Variants in PLEKHH2 observed in about 807,000 individuals in gnomAD.
The protein encoded by PLEKHH2 is pleckstrin homology, MyTH4 and FERM domain containing H2.
In PLEKHH2, 129 loss-of-function variants were observed where a neutral mutation model predicts 187.9. That is an observed-to-expected ratio of 0.69 (90% confidence interval 0.59 to 0.79). The LOEUF (loss-of-function observed/expected upper bound fraction) is 0.79, where lower values mean the gene tolerates loss of function less well. Ranked by LOEUF, PLEKHH2 falls within the 30% of genes least tolerant of loss-of-function variation. PLEKHH2 has a pLI of 0.00. For synonymous variants in PLEKHH2, 686 were observed against 605.6 expected, an observed-to-expected ratio of 1.13 and a Z score of -1.95; for missense variants, 2,076 against 1,751.2, an observed-to-expected ratio of 1.19 and a Z score of -3.31.
intron 4 of PLEKHH2, among the ~76,000 whole-genome samples, chr2:43,693,988 A>C (rs533572544): frequency 6.6e-6 from 1 of 152,238 alleles, no homozygotes; most frequent in East Asian, 1.9e-4. Flanking sequence ...ACCAGATTTT[A>C]AGGCTGGTAA....
At chr2:43,670,788 C>T (rs1236863455) in intron 2 of PLEKHH2, among the ~76,000 whole-genome samples, 1 of 151,992 alleles carries the variant, frequency 6.6e-6, no homozygotes, top group Non-Finnish European at 1.5e-5. Flanking sequence ...AATATCGAGT[C>T]TTCTGACTCA....
intron 3 of PLEKHH2, among the ~76,000 whole-genome samples, chr2:43,679,906 A>G (rs1668081395): frequency 6.6e-6 from 1 of 152,154 alleles, no homozygotes; most frequent in Non-Finnish European, 1.5e-5. Context: ...TACTGGCTTC[A>G]AGTGATGCTC....
intron 2 of PLEKHH2, among the ~76,000 whole-genome samples, chr2:43,646,868 G>T (rs1285154998): frequency 6.7e-6 from 1 of 149,770 alleles, no homozygotes; most frequent in Non-Finnish European, 1.5e-5. Flanking sequence ...AAATTCTTTG[G>T]CAGATCTAAG....
Position 43,757,052 on chromosome 2 carries a change from AAACT to A in PLEKHH2, c.3796-62_3796-59del, listed in dbSNP as rs200748125. Reference sequence around the variant, plus strand: ...TAAAAAAGAATGTTTAGAAAAAATAAAACTAACTGATTTTCTGTCTTAAAACTCT... The same window carrying A: ...TAAAAAAGAATGTTTAGAAAAAATAAAACTGATTTTCTGTCTTAAAACTCT... On this transcript the variant is annotated intron_variant, in intron 25 of 29. Transcript: ENST00000282406. 176 of 1,265,430 alleles carry A rather than the reference AAACT, an allele frequency of 1.4e-4. 2 individuals are homozygous for A. In the East Asian group the frequency reaches 3.7e-3, roughly 27 times the overall value. 78.4% of individuals were successfully genotyped at this position (1,265,430 alleles called of 1,614,324 possible).
chr2:43,671,684 T>G (rs1667505172), intron 2 of PLEKHH2, among the ~76,000 whole-genome samples: 1 of 152,228 alleles, frequency 6.6e-6, no homozygotes, highest in African/African-American at 2.4e-5. Flanking sequence ...TTGAATTTTG[T>G]CAGATGATTT....
chr2:43,763,689 C>T (rs76480827), intron 28 of PLEKHH2, among the ~76,000 whole-genome samples: 8,276 of 151,676 alleles, frequency 0.055, 477 homozygotes, highest in African/African-American at 0.14. Context: ...CCATCAGGCC[C>T]GGCCTAAGTT....
At chr2:43,654,289 G>A (rs549714297) in intron 2 of PLEKHH2, among the ~76,000 whole-genome samples, 13 of 152,152 alleles carry the variant, frequency 8.5e-5, no homozygotes, top group Admixed American at 2.0e-4. Context: ...CCACCTCCCC[G>A]GTTCAAGCGA....
chr2:43,643,186 A>G (rs887650079), intron 1 of PLEKHH2, among the ~76,000 whole-genome samples: 2 of 152,136 alleles, frequency 1.3e-5, no homozygotes, highest in Non-Finnish European at 2.9e-5. Flanking sequence ...TGGGTAATGG[A>G]AAAGGTTATT....
chr2:43,758,792 A>T, intron 26 of PLEKHH2, 108 bp from the exon 27 acceptor site: 1 of 908,488 alleles, frequency 1.1e-6, no homozygotes, highest in Non-Finnish European at 1.6e-6. Flanking sequence ...CCTAGGGATC[A>T]CAGTTATGCT....
intron 8 of PLEKHH2, among the ~76,000 whole-genome samples, chr2:43,703,144 C>T (rs1236334935): frequency 1.3e-5 from 2 of 152,192 alleles, no homozygotes; most frequent in African/African-American, 4.8e-5. Flanking sequence ...AAGCCACTGG[C>T]TGTCTTGAAG....
At chr2:43,686,579 A>G (rs1196257721) in intron 3 of PLEKHH2, among the ~76,000 whole-genome samples, 1 of 152,200 alleles carries the variant, frequency 6.6e-6, no homozygotes, top group African/African-American at 2.4e-5. Context: ...TTACATTGCA[A>G]TGCTTTGCTA....
intron 2 of PLEKHH2, among the ~76,000 whole-genome samples, chr2:43,659,865 G>T (rs558624819): frequency 1.3e-5 from 2 of 152,218 alleles, no homozygotes; most frequent in East Asian, 1.9e-4. Context: ...GGCCTGCAAG[G>T]CACTTTTTAA....
chr2:43,717,009 C>T (rs115600939), intron 15 of PLEKHH2, among the ~76,000 whole-genome samples: 2,343 of 152,224 alleles, frequency 0.015, 17 homozygotes, highest in Non-Finnish European at 0.024. Context: ...AGAGTTGTTT[C>T]GTGATCAAAC....
intron 25 of PLEKHH2, among the ~76,000 whole-genome samples, chr2:43,756,479 C>T (rs940023119): frequency 1.3e-5 from 2 of 151,938 alleles, no homozygotes; most frequent in Non-Finnish European, 2.9e-5. Context: ...TTTTTAACAT[C>T]TATTTCATCT....
In PLEKHH2 at chr2:43,766,422, A is replaced by G. The variant is rs188229561; in HGVS notation, c.*824A>G. The G allele has an allele frequency of 2.0e-5, 3 of 152,696 alleles. No individual in the cohort carries two copies. The highest frequency in any genetic ancestry group is 1.3e-4 in the Admixed American group (2 of 15,274). 9.5% of individuals were successfully genotyped at this position (152,696 alleles called of 1,614,324 possible). Reference sequence around the variant, plus strand: ...CTTAAAGCTTTGCTCCTCACACATTACCTTCTAATTATAGTTTGAAAATAG... The same window carrying G: ...CTTAAAGCTTTGCTCCTCACACATTGCCTTCTAATTATAGTTTGAAAATAG... On this transcript the variant is annotated 3_prime_UTR_variant, in exon 30 of 30. Transcript: ENST00000282406.
intron 24 of PLEKHH2, among the ~76,000 whole-genome samples, chr2:43,747,092 G>GTCTCTC (rs539728000): frequency 7.7e-6 from 1 of 130,662 alleles, no homozygotes; most frequent in Admixed American, 7.9e-5. Flanking sequence ...CTTTCTTTCT[G>GTCTCTC]TCTCTCTCTC....
At chr2:43,654,621 T>C (rs1195575031) in intron 2 of PLEKHH2, among the ~76,000 whole-genome samples, 1 of 149,040 alleles carries the variant, frequency 6.7e-6, no homozygotes, top group African/African-American at 2.5e-5. Flanking sequence ...CTCATGTCTG[T>C]AATCCCAGTG....
Position 43,742,737 on chromosome 2 carries a change from A to G in PLEKHH2, c.3222-4A>G, listed in dbSNP as rs1173794307. On this transcript the variant is annotated splice_region_variant and splice_polypyrimidine_tract_variant and intron_variant, in intron 21 of 29. Coordinates refer to ENST00000282406, the MANE Select transcript of PLEKHH2 (RefSeq NM_172069.4). Reference sequence around the variant, plus strand: ...TAGATTTTATCTTAAGTTTTGTATTACAGGACAGAATTTGGAAAATATGCC... The same window carrying G: ...TAGATTTTATCTTAAGTTTTGTATTGCAGGACAGAATTTGGAAAATATGCC... 3.2e-6 allele frequency: 5 copies of G among 1,541,748 alleles called. No individual in the cohort carries two copies. The highest frequency in any genetic ancestry group is 4.3e-5 in the Admixed American group (2 of 46,722).
chr2:43,641,085 G>A (rs776676845), intron 1 of PLEKHH2, among the ~76,000 whole-genome samples: 3 of 151,278 alleles, frequency 2.0e-5, no homozygotes, highest in African/African-American at 7.3e-5. Flanking sequence ...GAGCCACCAC[G>A]TCCAGGCCTT....
Sources: gnomAD v4.1 joint callset for allele counts (sites outside exome capture counted in the v4.1 genomes callset) on GRCh38, gnomAD v4.1.1 for gene constraint, MANE v1.5 for transcripts, NCBI Gene and HGNC (gene_info 2026-07-23, HGNC 2026-07-21) for gene names.